Variants in FKBP8 observed in about 807,000 individuals in gnomAD.
FKBP8 encodes FKBP prolyl isomerase 8.
A neutral mutation model predicts 41.7 loss-of-function variants in FKBP8; 5 were observed. That is an observed-to-expected ratio of 0.12 (90% CI 0.06 to 0.25). FKBP8 has a LOEUF of 0.25. FKBP8 is among the 10% of genes least tolerant of loss of function. FKBP8 has a pLI of 1.00. For synonymous variants in FKBP8, 279 were observed against 254.5 expected (o/e 1.10, Z -0.92); for missense variants, 397 against 563.0 (o/e 0.71, Z 2.98).
intron 6 of FKBP8, among the ~76,000 whole-genome samples, chr19:18,533,571 G>A (rs1307175945): frequency 1.3e-5 from 2 of 152,158 alleles, no homozygotes; most frequent in Non-Finnish European, 2.9e-5. Flanking sequence ...CAGGCGTGGT[G>A]GCATGCACCT....
In FKBP8 at chr19:18,537,473, G is replaced by T; in HGVS notation, c.945+128C>A. The T allele has an allele frequency of 2.3e-6, 2 of 861,204 alleles. No homozygotes were observed. The highest frequency in any genetic ancestry group is 3.3e-6 in the Non-Finnish European group (2 of 597,680). 53.3% of individuals were successfully genotyped at this position (861,204 alleles called of 1,614,324 possible). A position where few individuals can be genotyped will look rare whatever the true frequency, so the allele number is the denominator to read the frequency against. ...CACTCCTGCACCCGTCTGGGCCTCA[G>T]TTTCTCCACCTGCACCCCACAGAGC... On this transcript the variant is annotated intron_variant, in intron 6 of 8. Coordinates refer to ENST00000608443, the MANE Select transcript of FKBP8 (RefSeq NM_012181.5). This position sits in a 1 kb window ranked among gnomAD's most constrained non-coding sequence, Gnocchi z 4.4.
chr19:18,538,874 G>A lies in FKBP8; in HGVS notation c.552-438C>T, dbSNP rs1409119314. Among the ~76,000 whole-genome samples the A allele has an allele frequency of 1.4e-5, 2 of 146,056 alleles. No homozygotes were observed. Among genetic ancestry groups the A allele is most frequent in the African/African-American group, 5.2e-5 (2 of 38,470 alleles). ...CTCTTGCCCAGGCTGGAGTGCAGTGGTGCAATCTCGGTTCACTGCAAGCTC... is the reference window on the plus strand; with the variant it reads ...CTCTTGCCCAGGCTGGAGTGCAGTGATGCAATCTCGGTTCACTGCAAGCTC... On this transcript the variant is annotated intron_variant, in intron 4 of 8. Coordinates refer to ENST00000608443, the MANE Select transcript of FKBP8 (RefSeq NM_012181.5). This position sits in a 1 kb window ranked among gnomAD's most constrained non-coding sequence, Gnocchi z 4.0.
intron 6 of FKBP8, among the ~76,000 whole-genome samples, chr19:18,535,356 T>C (rs1028341667): frequency 6.6e-6 from 1 of 152,168 alleles, no homozygotes; most frequent in Non-Finnish European, 1.5e-5. Context: ...GCACCACACC[T>C]GGCCCTGATG....
Position 18,532,708 on chromosome 19 carries a change from T to C in FKBP8, c.1111A>G (p.Asn371Asp). Residue 371 changes from asparagine (N) to aspartate (D), a missense_variant, in exon 8 of 9, where the codon AAC becomes GAC. Asn to Asp is a conservative substitution (Grantham distance 23). Coordinates refer to ENST00000608443, the MANE Select transcript of FKBP8 (RefSeq NM_012181.5). ...ETALYRKMLG[N>D]PSRLPAKCPG... ...CACTTAGCAGGCAGCCGGCTGGGGTTGCCCAGCATTTTCCGGTACAAGGCG... is the reference window on the plus strand; with the variant it reads ...CACTTAGCAGGCAGCCGGCTGGGGTCGCCCAGCATTTTCCGGTACAAGGCG... The C allele has an allele frequency of 6.2e-7, 1 of 1,614,100 alleles. No individual in the cohort carries two copies. The highest frequency in any genetic ancestry group is 8.5e-7 in the Non-Finnish European group (1 of 1,180,038).
At position 18,538,810 on chromosome 19, in the gene FKBP8, T is replaced by A. The variant is rs1976638456; in HGVS notation, c.552-374A>T. Reference sequence around the variant, plus strand: ...CTACAGGTGTGCACCACACCCAGCTTTTTTTTTTTTTTTTTTTTTTTTTTG... The same window carrying A: ...CTACAGGTGTGCACCACACCCAGCTATTTTTTTTTTTTTTTTTTTTTTTTG... On this transcript the variant is annotated intron_variant, in intron 4 of 8. Transcript: ENST00000608443. The surrounding 1 kb of genome is among the most constrained non-coding windows in gnomAD (Gnocchi z 4.0). 1.0e-5 allele frequency among the ~76,000 whole-genome samples: 1 copy of A among 99,184 alleles called. No individual in the cohort carries two copies. Among genetic ancestry groups the A allele is most frequent in the Non-Finnish European group, 1.8e-5 (1 of 57,112 alleles). 65.1% of individuals were successfully genotyped at this position (99,184 alleles called of 152,430 possible).
chr19:18,538,059 C>G lies in FKBP8; in HGVS notation c.772+157G>C. The G allele has an allele frequency of 1.2e-6, 1 of 817,160 alleles. No individual in the cohort carries two copies. The highest frequency in any genetic ancestry group is 1.9e-6 in the Non-Finnish European group (1 of 514,992). The allele number at this position is 817,160 out of a possible 1,614,324, so 50.6% of individuals were successfully genotyped here. On this transcript the variant is annotated intron_variant, in intron 5 of 8. Transcript: ENST00000608443. The surrounding 1 kb of genome is among the most constrained non-coding windows in gnomAD (Gnocchi z 4.0). ...CACTGGTCTGGGATATACCACGAGT[C>G]TGTAACAGGCCCTAGCTTAGGGGCA...
intron 6 of FKBP8, among the ~76,000 whole-genome samples, chr19:18,536,517 A>G (rs1976582059): frequency 6.6e-6 from 1 of 151,962 alleles, no homozygotes; most frequent in Non-Finnish European, 1.5e-5. Flanking sequence ...ACACCCAGCT[A>G]ATTTTTGTAT....
intron 1 of FKBP8, 185 bp downstream of exon 1, chr19:18,543,301 T>G: frequency 2.2e-4 from 2 of 9,274 alleles, no homozygotes; most frequent in African/African-American, 4.8e-4. Flanking sequence ...CCCCCATCCC[T>G]GGCCACCCCC....
intron 6 of FKBP8, chr19:18,536,205 C>G (rs1212735803): frequency 6.6e-6 from 1 of 152,198 alleles, no homozygotes; most frequent in East Asian, 1.9e-4. Context: ...GAGCCAGTAT[C>G]TGTGCCTCAG....
intron 7 of FKBP8, 188 bp from the exon 8 acceptor site, chr19:18,532,983 C>CG: frequency 1.1e-6 from 1 of 949,104 alleles, no homozygotes; most frequent in South Asian, 1.8e-5. Flanking sequence ...CAATTGATGG[C>CG]GCAGAGCACA....
At position 18,539,466 on chromosome 19, in the gene FKBP8, T is replaced by C. The variant is rs776933954; in HGVS notation, c.463-7A>G. The C allele has an allele frequency of 3.1e-6, 5 of 1,613,180 alleles. No individual in the cohort carries two copies. The highest frequency in any genetic ancestry group is 2.2e-5 in the East Asian group (1 of 44,848). On this transcript the variant is annotated splice_polypyrimidine_tract_variant and splice_region_variant and intron_variant, in intron 3 of 8. Transcript: ENST00000608443. ...GGACACTGAGATCCAGGGCCTGGGG[T>C]GTGTGGGGATAGCCAGCTGTCAGGC...
rs181309307 is a variant in FKBP8 at position 18,541,809 on chromosome 19, C to T, written c.162G>A (p.Pro54=). ...CCGGGGGTTGTCCCATGTCCTCCAG[C>T]GGTGGCAGCTCACTCAGGTCATCCT... ...EEEDDLSELP[P]LEDMGQPPAE... Residue 54 remains proline, a synonymous_variant, in exon 2 of 9, where the codon CCG becomes CCA. Transcript: ENST00000608443. 3.5e-5 allele frequency: 57 copies of T among 1,613,630 alleles called. No individual in the cohort carries two copies. The Admixed American group carries it at 5.3e-4, about 15-fold the overall frequency.
At chr19:18,532,907 G>T in intron 7 of FKBP8, 112 bp from the exon 8 acceptor site, 2 of 1,491,092 alleles carry the variant, frequency 1.3e-6, no homozygotes, top group Non-Finnish European at 1.8e-6. Flanking sequence ...GGGACACAGG[G>T]GTCCCATCTG....
chr19:18,543,571 G>C lies in FKBP8; in HGVS notation c.-111C>G, dbSNP rs1366762137. Reference sequence around the variant, plus strand: ...CGCCGCGCCTCGGGAACCAGGTTCGGCCGCTTGGCCCCGCCCCTGCCGTGC... The same window carrying C: ...CGCCGCGCCTCGGGAACCAGGTTCGCCCGCTTGGCCCCGCCCCTGCCGTGC... On this transcript the variant is annotated 5_prime_UTR_variant, in exon 1 of 9. Transcript: ENST00000608443. The C allele has an allele frequency of 6.6e-6, 1 of 150,874 alleles. No homozygotes were observed. Among genetic ancestry groups the C allele is most frequent in the Non-Finnish European group, 1.5e-5 (1 of 67,676 alleles). The allele number at this position is 150,874 out of a possible 1,614,324, so 9.3% of individuals were successfully genotyped here.
In FKBP8 at chr19:18,537,464, TG is replaced by T; in HGVS notation, c.945+136del. On this transcript the variant is annotated intron_variant, in intron 6 of 8. Coordinates refer to ENST00000608443, the MANE Select transcript of FKBP8 (RefSeq NM_012181.5). This position sits in a 1 kb window ranked among gnomAD's most constrained non-coding sequence, Gnocchi z 4.4. ...ACCAGGCCACACTCCTGCACCCGTCTGGGCCTCAGTTTCTCCACCTGCACCC... is the reference window on the plus strand; with the variant it reads ...ACCAGGCCACACTCCTGCACCCGTCTGGCCTCAGTTTCTCCACCTGCACCC... 1 of 749,770 alleles carries T rather than the reference TG, an allele frequency of 1.3e-6. No homozygotes were observed. The highest frequency in any genetic ancestry group is 2.0e-6 in the Non-Finnish European group (1 of 496,046). 46.4% of individuals were successfully genotyped at this position (749,770 alleles called of 1,614,324 possible).
chr19:18,542,003 TGGG>T lies in FKBP8; in HGVS notation c.-25-11_-25-9del, dbSNP rs1422109634. The T allele has an allele frequency of 6.2e-7, 1 of 1,603,344 alleles. No individual in the cohort carries two copies. Among genetic ancestry groups the T allele is most frequent in the Non-Finnish European group, 8.5e-7 (1 of 1,174,442 alleles). ...GGGGGACAGGAATTGGCCCTGGAAG[TGGG>T]GGGCAGAGATGTGGGTCAGAATCCT... On this transcript the variant is annotated splice_polypyrimidine_tract_variant and intron_variant, in intron 1 of 8. Transcript: ENST00000608443.
Position 18,533,245 on chromosome 19 carries a change from C to T in FKBP8, c.1023+25G>A, listed in dbSNP as rs150364820. ...GGAGGGACTTCCCAGCCGAGCAAGT[C>T]CCAGGGCACCCCTGTCCTGCTCACC... is the stretch of plus-strand genomic sequence containing the variant. On this transcript the variant is annotated intron_variant, in intron 7 of 8. Transcript: ENST00000608443. 4 of 1,543,430 alleles carry T rather than the reference C, an allele frequency of 2.6e-6. No individual in the cohort carries two copies. The African/African-American group carries it at 5.4e-5, about 21-fold the overall frequency.
In FKBP8 at chr19:18,532,748, C is replaced by T; in HGVS notation, c.1071G>A (p.Gln357=). The T allele has an allele frequency of 6.2e-7, 1 of 1,614,148 alleles. No individual in the cohort carries two copies. Among genetic ancestry groups the T allele is most frequent in the Non-Finnish European group, 8.5e-7 (1 of 1,180,044 alleles). The change falls in exon 8 of 9, where the codon CAG becomes CAA. Residue 357 remains glutamine, a synonymous_variant. Coordinates refer to ENST00000608443, the MANE Select transcript of FKBP8 (RefSeq NM_012181.5). ...GGTACAAGGCGGTCTCCGTGCTCCGCTGCGCCGCATGCTTCTTCACCAGCT... is the reference window on the plus strand; with the variant it reads ...GGTACAAGGCGGTCTCCGTGCTCCGTTGCGCCGCATGCTTCTTCACCAGCT... ...LSKLVKKHAA[Q]RSTETALYRK...
At position 18,532,794 on chromosome 19, in the gene FKBP8, G is replaced by A. The variant is rs751720062; in HGVS notation, c.1025C>T (p.Thr342Met). ...AALKLEPSNKTIHAELSKLVK... is the reference protein window; with the variant it reads ...AALKLEPSNKMIHAELSKLVK... ...CAGCTTTGAGAGCTCTGCGTGGATC[G>A]TCTGCAGAAGGCAGGGGAAGCTGAG... is the stretch of plus-strand genomic sequence containing the variant. Residue 342 changes from threonine to methionine, a missense_variant and splice_region_variant, in exon 8 of 9, where the codon ACG becomes ATG. Transcript: ENST00000608443. 9 of 1,613,578 alleles carry A rather than the reference G, an allele frequency of 5.6e-6. No individual in the cohort carries two copies. The highest frequency in any genetic ancestry group is 2.2e-5 in the East Asian group (1 of 44,900).
Sources: allele counts gnomAD v4.1 joint callset (sites outside exome capture counted in the v4.1 genomes callset), GRCh38; gene constraint gnomAD v4.1.1; non-coding constraint Gnocchi (gnomAD v3.1); transcripts MANE v1.5; gene names NCBI Gene and HGNC (gene_info 2026-07-23, HGNC 2026-07-21).